DACH1: variants seen among roughly 807,000 people sequenced by gnomAD.
DACH1 encodes the protein dachshund family transcription factor 1.
In DACH1, 12 loss-of-function variants were observed where a neutral mutation model predicts 54.2. The ratio of observed to expected loss-of-function variants is 0.22; its 90% confidence interval spans 0.14 to 0.36. DACH1 has a LOEUF of 0.36. Among genes scored for constraint, DACH1 ranks in the 10% least tolerant of loss-of-function variants. DACH1 has a pLI of 1.00. For missense variants in DACH1, 805 were observed against 929.8 expected (o/e 0.87, Z 1.75); for synonymous variants, 386 against 366.2 (o/e 1.05, Z -0.62).
intron 2 of DACH1, among the ~76,000 whole-genome samples, chr13:71,649,270 C>T (rs1422835406): frequency 6.6e-6 from 1 of 152,098 alleles, no homozygotes; most frequent in African/African-American, 2.4e-5. Flanking sequence ...GTACGCTCAA[C>T]GATGCACACA....
chr13:71,625,655 T>C (rs1208214727), intron 3 of DACH1, among the ~76,000 whole-genome samples: 5 of 151,992 alleles, frequency 3.3e-5, no homozygotes, highest in African/African-American at 4.8e-5. Flanking sequence ...TTGAAACTTC[T>C]ACATTCTTGT....
At chr13:71,670,442 G>T (rs1379612781) in intron 2 of DACH1, among the ~76,000 whole-genome samples, 1 of 152,056 alleles carries the variant, frequency 6.6e-6, no homozygotes, top group Non-Finnish European at 1.5e-5. Flanking sequence ...AACATATATT[G>T]TAACAGTAGC....
rs563915598 is a variant in DACH1 at position 71,564,717 on chromosome 13, T to TA, written c.1300-4763dup. Among the ~76,000 whole-genome samples, 287 of 152,258 alleles carry TA rather than the reference T, an allele frequency of 1.9e-3. 2 individuals carry two copies. Among genetic ancestry groups the TA allele is most frequent in the Middle Eastern group, 6.8e-3 (2 of 294 alleles). On this transcript the variant is annotated intron_variant, in intron 4 of 10. Transcript: ENST00000613252. ...TATCTCAGTTCTCCTCTCTGCACCT[T>TA]AAAAATGTATTATATTTTATCAAAT...
chr13:71,826,003 G>A (rs1445315989), intron 1 of DACH1, among the ~76,000 whole-genome samples: 1 of 152,054 alleles, frequency 6.6e-6, no homozygotes. Flanking sequence ...GAGATGGAAA[G>A]AATTCACACC....
chr13:71,465,497 A>C (rs1876490166), intron 10 of DACH1, among the ~76,000 whole-genome samples: 1 of 152,110 alleles, frequency 6.6e-6, no homozygotes, highest in African/African-American at 2.4e-5. Context: ...AAGAGGAAGC[A>C]GGCTTTGTGA....
chr13:71,678,194 A>G (rs1880683822), intron 2 of DACH1, among the ~76,000 whole-genome samples: 2 of 152,190 alleles, frequency 1.3e-5, no homozygotes, highest in African/African-American at 4.8e-5. Context: ...GATCATATTT[A>G]GTCATATTCC....
At chr13:71,609,809 G>A (rs1390659787) in intron 3 of DACH1, among the ~76,000 whole-genome samples, 1 of 152,098 alleles carries the variant, frequency 6.6e-6, no homozygotes, top group East Asian at 1.9e-4. Flanking sequence ...TTACAGGCGT[G>A]AGCCACTGCG....
intron 1 of DACH1, among the ~76,000 whole-genome samples, chr13:71,843,772 G>T (rs964258501): frequency 1.3e-5 from 2 of 152,206 alleles, no homozygotes; most frequent in East Asian, 3.9e-4. Flanking sequence ...AACACTCTTC[G>T]TTGTACATTG....
chr13:71,473,840 T>C (rs767696984), intron 10 of DACH1, among the ~76,000 whole-genome samples: 3 of 152,182 alleles, frequency 2.0e-5, no homozygotes, highest in Non-Finnish European at 2.9e-5. Flanking sequence ...TTGGTGCTGA[T>C]ATTTGCATTT....
chr13:71,533,574 GTCTTT>G (rs1487942972), intron 6 of DACH1, among the ~76,000 whole-genome samples: 1 of 151,870 alleles, frequency 6.6e-6, no homozygotes, highest in Non-Finnish European at 1.5e-5. Context: ...TTATTTAAGG[GTCTTT>G]TCTTCAGTAC....
rs1888780874 is a variant in DACH1, at chr13:71,836,292, TAATA to T, written c.848+29626_848+29629del. ...AAAGACTAAAATATTAAATAAAAAT[TAATA>T]GTCAATGTTTATTGAGTGGTTATTA... On this transcript the variant is annotated intron_variant, in intron 1 of 10. Coordinates refer to ENST00000613252, the MANE Select transcript of DACH1 (RefSeq NM_080759.6). 2.6e-5 allele frequency among the ~76,000 whole-genome samples: 4 copies of T among 152,000 alleles called. No homozygotes were observed. In the South Asian group the frequency reaches 8.3e-4, roughly 31 times the overall value.
chr13:71,597,367 A>G (rs1372874255), intron 3 of DACH1, among the ~76,000 whole-genome samples: 4 of 152,196 alleles, frequency 2.6e-5, no homozygotes, highest in Admixed American at 2.0e-4. Flanking sequence ...AGTATACATA[A>G]TTTTTTTAAA....
chr13:71,443,054 T>A (rs1450917721), intron 10 of DACH1, among the ~76,000 whole-genome samples: 1 of 148,344 alleles, frequency 6.7e-6, no homozygotes, highest in Non-Finnish European at 1.5e-5. Flanking sequence ...ATTATATATA[T>A]AATTATATAT....
chr13:71,756,534 A>C (rs915664481), intron 1 of DACH1, among the ~76,000 whole-genome samples: 1 of 151,942 alleles, frequency 6.6e-6, no homozygotes, highest in Non-Finnish European at 1.5e-5. Flanking sequence ...GAAAAAAAAA[A>C]ACATTTTATT....
chr13:71,726,382 C>T (rs959978707), intron 1 of DACH1, among the ~76,000 whole-genome samples: 4 of 151,980 alleles, frequency 2.6e-5, no homozygotes, highest in Non-Finnish European at 4.4e-5. Flanking sequence ...GTAAACTCAG[C>T]GTGACTTAAC....
At chr13:71,826,950 A>G (rs1319285842) in intron 1 of DACH1, among the ~76,000 whole-genome samples, 1 of 152,092 alleles carries the variant, frequency 6.6e-6, no homozygotes, top group Non-Finnish European at 1.5e-5. Context: ...CTTTACAATT[A>G]CGTATGTACA....
At chr13:71,675,539 G>A in intron 2 of DACH1, 2 of 920,144 alleles carry the variant, frequency 2.2e-6, no homozygotes, top group South Asian at 1.4e-5. Context: ...TCTTCTTCCT[G>A]TTATTGGTAG....
intron 10 of DACH1, chr13:71,464,866 GA>G (rs1188585524): frequency 2.9e-6 from 1 of 339,766 alleles, no homozygotes; most frequent in East Asian, 8.3e-5. Context: ...TGCACTCCCA[GA>G]AACAGGGAAA....
chr13:71,748,433 C>T (rs1228501081), intron 1 of DACH1, among the ~76,000 whole-genome samples: 1 of 152,126 alleles, frequency 6.6e-6, no homozygotes, highest in Non-Finnish European at 1.5e-5. Flanking sequence ...CAAGCTCAAG[C>T]CCTTAGTTTT....
Sources: allele counts gnomAD v4.1 joint callset (sites outside exome capture counted in the v4.1 genomes callset), GRCh38; gene constraint gnomAD v4.1.1; transcripts MANE v1.5; gene names NCBI Gene and HGNC (gene_info 2026-07-23, HGNC 2026-07-21).